DCBLD2: variants seen among roughly 807,000 people sequenced by gnomAD.
DCBLD2 encodes the protein discoidin, CUB and LCCL domain-containing protein 2.
Under a neutral mutation model 86.8 loss-of-function variants are expected in DCBLD2, and 54 were observed. The ratio of observed to expected loss-of-function variants is 0.62; its 90% CI spans 0.50 to 0.78. The LOEUF is 0.78. Ranked by LOEUF, DCBLD2 falls within the 30% of genes least tolerant of loss-of-function variation. DCBLD2 has a pLI of 0.00. For synonymous variants in DCBLD2, 354 were observed against 341.3 expected (o/e 1.04, Z -0.41); for missense variants, 908 against 954.2 (o/e 0.95, Z 0.64).
intron 2 of DCBLD2, among the ~76,000 whole-genome samples, chr3:98,867,654 A>G (rs1416316835): frequency 1.3e-5 from 2 of 152,214 alleles, no homozygotes; most frequent in African/African-American, 4.8e-5. Context: ...AAAGAAAAAA[A>G]TCCTCATGGT....
At chr3:98,861,370 G>A (rs945811499) in intron 2 of DCBLD2, among the ~76,000 whole-genome samples, 1 of 152,148 alleles carries the variant, frequency 6.6e-6, no homozygotes, top group Non-Finnish European at 1.5e-5. Context: ...TCTGCACCAA[G>A]CAGACCTAAC....
chr3:98,863,903 C>T (rs1037161287), intron 2 of DCBLD2, among the ~76,000 whole-genome samples: 45 of 152,124 alleles, frequency 3.0e-4, no homozygotes, highest in African/African-American at 1.0e-3. Flanking sequence ...AAGAAACTAC[C>T]ATCAGAGTGA....
In DCBLD2 at chr3:98,874,121, C is replaced by T. The variant is rs547378552; in HGVS notation, c.433+7419G>A. The stretch of plus-strand genomic sequence containing the variant: ...CATTAAGGAAGCATCCTATCAAAAA[C>T]GCACCAGGCTAAAATAGCTTCACAG... On this transcript the variant is annotated intron_variant, in intron 2 of 15. Coordinates refer to ENST00000326840, the MANE Select transcript of DCBLD2 (RefSeq NM_080927.4). Among the ~76,000 whole-genome samples, 11 of 152,278 alleles carry T rather than the reference C, an allele frequency of 7.2e-5. No homozygotes were observed. The South Asian group carries it at 8.3e-4, about 11-fold the overall frequency.
chr3:98,849,636 C>A (rs772574034), intron 2 of DCBLD2, 38 bp from the exon 3 acceptor site: 7 of 1,588,878 alleles, frequency 4.4e-6, no homozygotes, highest in Middle Eastern at 1.7e-4. Context: ...TGGGATGACT[C>A]TCATGAAGTC....
intron 2 of DCBLD2, among the ~76,000 whole-genome samples, chr3:98,870,479 T>C (rs1462810393): frequency 6.6e-6 from 1 of 151,826 alleles, no homozygotes; most frequent in Non-Finnish European, 1.5e-5. Context: ...AGAAAAATGG[T>C]GTTTTTGGCA....
chr3:98,840,555 G>A (rs1461892285), intron 3 of DCBLD2, among the ~76,000 whole-genome samples: 3 of 152,150 alleles, frequency 2.0e-5, no homozygotes, highest in Non-Finnish European at 2.9e-5. Flanking sequence ...AGAGTGCAGT[G>A]GCATGATCCT....
chr3:98,846,940 G>T, intron 3 of DCBLD2, among the ~76,000 whole-genome samples: 1 of 151,890 alleles, frequency 6.6e-6, no homozygotes, highest in East Asian at 1.9e-4. Flanking sequence ...ACAGAGAAAA[G>T]CAAAAATATG....
At chr3:98,836,620 G>C (rs1942457206) in intron 3 of DCBLD2, among the ~76,000 whole-genome samples, 1 of 139,200 alleles carries the variant, frequency 7.2e-6, no homozygotes, top group Non-Finnish European at 1.6e-5. Flanking sequence ...ACACCTCCCA[G>C]ACGGGGCGGC....
In DCBLD2 at chr3:98,796,319, C is replaced by CTT. The variant is rs34124491; in HGVS notation, c.*3051_*3052dup. Reference sequence around the variant, plus strand: ...ACATTAGAATTGGTGCCACAGTTGACTTTAAAAGCATTTTAATAACCACCC... The same window carrying CTT: ...ACATTAGAATTGGTGCCACAGTTGACTTTTTAAAAGCATTTTAATAACCACCC... On this transcript the variant is annotated 3_prime_UTR_variant, in exon 16 of 16. Transcript: ENST00000326840. 0.31 allele frequency: 47,119 copies of CTT among 152,284 alleles called. 8,703 individuals carry two copies. The highest frequency in any genetic ancestry group is 0.7 in the East Asian group (3,624 of 5,170). The allele number at this position is 152,284 out of a possible 1,614,324, so 9.4% of individuals were successfully genotyped here.
intron 3 of DCBLD2, among the ~76,000 whole-genome samples, chr3:98,839,120 T>TCTCTTTCTTTCCTTCCTTCC (rs1559781363): frequency 3.6e-4 from 12 of 33,100 alleles, no homozygotes; most frequent in South Asian, 2.2e-3. Flanking sequence ...TTTCTTTCTT[T>TCTCTTTCTTTCCTTCCTTCC]TTCTTTCTTT....
intron 2 of DCBLD2, among the ~76,000 whole-genome samples, chr3:98,870,753 G>GAAACA (rs764876057): frequency 1.6e-5 from 2 of 125,734 alleles, no homozygotes; most frequent in African/African-American, 6.7e-5. Context: ...AAGAAAGAAA[G>GAAACA]AAAGAAAGAA....
rs1203406817 is a variant in DCBLD2 at position 98,797,966 on chromosome 3, C to T, written c.*1406G>A. 3.9e-5 allele frequency: 6 copies of T among 152,166 alleles called. No homozygotes were observed. Among genetic ancestry groups the T allele is most frequent in the Non-Finnish European group, 8.8e-5 (6 of 68,026 alleles). The allele number at this position is 152,166 out of a possible 1,614,324, so 9.4% of individuals were successfully genotyped here. A position where few individuals can be genotyped will look rare whatever the true frequency, so the allele number is the denominator to read the frequency against. ...TTATCATATGGTGAGCTGCTCATGT[C>T]GTCTTGACAGTCTGAAGGCTTTAAA... is the stretch of plus-strand genomic sequence containing the variant. On this transcript the variant is annotated 3_prime_UTR_variant, in exon 16 of 16. Coordinates refer to ENST00000326840, the MANE Select transcript of DCBLD2 (RefSeq NM_080927.4).
At position 98,881,516 on chromosome 3, in the gene DCBLD2, T is replaced by C. The variant is rs759786681; in HGVS notation, c.433+24A>G. On this transcript the variant is annotated intron_variant, in intron 2 of 15. Transcript: ENST00000326840. ...ATTGAGACAATGATGTATTTACATG[T>C]ACATTTACAAAAAAAAGTCCTACCT... 7 of 1,583,372 alleles carry C rather than the reference T, an allele frequency of 4.4e-6. No individual in the cohort carries two copies. In the Admixed American group the frequency reaches 1.0e-4, roughly 23 times the overall value.
intron 2 of DCBLD2, 138 bp downstream of exon 2, chr3:98,881,402 A>G (rs1167834692): frequency 1.3e-6 from 1 of 766,904 alleles, no homozygotes; most frequent in African/African-American, 1.8e-5. Flanking sequence ...AAAAGATTCA[A>G]ATTCAAAATT....
chr3:98,800,852 A>AAT, intron 14 of DCBLD2, 136 bp from the exon 15 acceptor site: 5 of 1,100,672 alleles, frequency 4.5e-6, no homozygotes, highest in Non-Finnish European at 6.3e-6. Context: ...TTATAATCCA[A>AAT]CTTTTTTTTT....
At chr3:98,888,494 G>C (rs540137415) in intron 1 of DCBLD2, among the ~76,000 whole-genome samples, 3 of 152,104 alleles carry the variant, frequency 2.0e-5, no homozygotes, top group East Asian at 3.9e-4. Context: ...AGTTTTGCCA[G>C]GGGTAAAATG....
At chr3:98,853,984 GT>G (rs66721700) in intron 2 of DCBLD2, among the ~76,000 whole-genome samples, 11 of 150,880 alleles carry the variant, frequency 7.3e-5, no homozygotes, top group African/African-American at 1.9e-4. Context: ...TTACGAACAG[GT>G]TTTTTTTTTC....
At chr3:98,860,957 A>G (rs1433923381) in intron 2 of DCBLD2, among the ~76,000 whole-genome samples, 1 of 152,246 alleles carries the variant, frequency 6.6e-6, no homozygotes, top group Non-Finnish European at 1.5e-5. Flanking sequence ...GAGACTCATC[A>G]GTGTGCTGTA....
intron 9 of DCBLD2, chr3:98,814,047 G>A (rs1405872260): frequency 3.3e-5 from 5 of 152,136 alleles, no homozygotes; most frequent in Non-Finnish European, 7.4e-5. Context: ...TAAAATCAAA[G>A]TGATTTTTTT....
Sources: allele counts gnomAD v4.1 joint callset (sites outside exome capture counted in the v4.1 genomes callset), GRCh38; gene constraint gnomAD v4.1.1; transcripts MANE v1.5; gene names NCBI Gene and HGNC (gene_info 2026-07-23, HGNC 2026-07-21).